P4HA2: variants seen among roughly 807,000 people sequenced by gnomAD.
The protein encoded by P4HA2 is prolyl 4-hydroxylase subunit alpha 2.
A neutral mutation model predicts 76.9 loss-of-function variants in P4HA2; 46 were observed. The ratio of observed to expected loss-of-function variants is 0.60; its 90% CI spans 0.47 to 0.76. The LOEUF is 0.76. Ranked by LOEUF, P4HA2 falls within the 30% of genes least tolerant of loss-of-function variation. The probability of loss-of-function intolerance (pLI) is 0.00; values close to 1 mark genes in which losing one functional copy is unlikely to be tolerated. For missense variants in P4HA2, 583 were observed against 669.4 expected, an observed-to-expected ratio of 0.87 and a Z score of 1.42; for synonymous variants, 243 against 254.0, an observed-to-expected ratio of 0.96 and a Z score of 0.41.
At position 132,207,842 on chromosome 5, in the gene P4HA2, C is replaced by A. The variant is rs764952504; in HGVS notation, c.946G>T (p.Gly316Cys). 6.2e-7 allele frequency: 1 copy of A among 1,603,798 alleles called. No individual in the cohort carries two copies. Among genetic ancestry groups the A allele is most frequent in the South Asian group, 1.1e-5 (1 of 88,918 alleles). Residue 316 changes from glycine to cysteine, a missense_variant, in exon 8 of 15, where the codon GGC (glycine) becomes TGC (cysteine). By Grantham distance (159) the Gly-to-Cys change is radical (BLOSUM62 -3). Transcript: ENST00000360568. ...ATGAGCAGCTGTGGGGCCCTGTTGC[C>A]ATGGTGGTACCTACAGAAAAGCCTC... ...QKRLFCRYHHGNRAPQLLIAP... is the reference protein window; with the variant it reads ...QKRLFCRYHHCNRAPQLLIAP...
Position 132,205,901 on chromosome 5 carries a change from G to A in P4HA2, c.1081-1749C>T, listed in dbSNP as rs573066222. 2.6e-5 allele frequency among the ~76,000 whole-genome samples: 4 copies of A among 152,238 alleles called. No individual in the cohort carries two copies. The East Asian group carries it at 5.8e-4, about 22-fold the overall frequency. Reference sequence around the variant, plus strand: ...GTGCTCTGCCCCAGGGGAAGCACAGGGCTATTTTGAAAGCAGGCCAGAGAC... The same window carrying A: ...GTGCTCTGCCCCAGGGGAAGCACAGAGCTATTTTGAAAGCAGGCCAGAGAC... On this transcript the variant is annotated intron_variant, in intron 8 of 14. Coordinates refer to ENST00000360568, the MANE Select transcript of P4HA2 (RefSeq NM_001017974.2).
intron 6 of P4HA2, 106 bp downstream of exon 6, chr5:132,210,178 G>A: frequency 7.7e-7 from 1 of 1,305,074 alleles, no homozygotes; most frequent in Non-Finnish European, 1.1e-6. Flanking sequence ...CCAAGTGACA[G>A]GGTAAACTGA....
chr5:132,211,268 A>C (rs996653444), intron 5 of P4HA2, among the ~76,000 whole-genome samples: 1 of 152,208 alleles, frequency 6.6e-6, no homozygotes, highest in African/African-American at 2.4e-5. Context: ...CAATATGAAG[A>C]AGCAGCTATA....
rs762173927 is a variant in P4HA2 at position 132,204,158 on chromosome 5, A to G, written c.1081-6T>C. 3.1e-6 allele frequency: 5 copies of G among 1,607,368 alleles called. No homozygotes were observed. The highest frequency in any genetic ancestry group is 4.3e-6 in the Non-Finnish European group (5 of 1,173,768). ...CGAACGGTGGCTCGTGCAAGCTAGAAGGAAGGAGGAGAGGGAAGACTTGAT... is the reference window on the plus strand; with the variant it reads ...CGAACGGTGGCTCGTGCAAGCTAGAGGGAAGGAGGAGAGGGAAGACTTGAT... On this transcript the variant is annotated splice_region_variant and splice_polypyrimidine_tract_variant and intron_variant, in intron 8 of 14. Coordinates refer to ENST00000360568, the MANE Select transcript of P4HA2 (RefSeq NM_001017974.2).
rs988524770 is a variant in P4HA2 at position 132,191,443 on chromosome 5, C to T, written c.*1567G>A. 5.0e-5 allele frequency among the ~76,000 whole-genome samples: 7 copies of T among 141,178 alleles called. No individual in the cohort carries two copies. The highest frequency in any genetic ancestry group is 2.2e-4 in the Admixed American group (3 of 13,362). The allele number at this position is 141,178 out of a possible 152,430, so 92.6% of individuals were successfully genotyped here. A position where few individuals can be genotyped will look rare whatever the true frequency, so the allele number is the denominator to read the frequency against. On this transcript the variant is annotated 3_prime_UTR_variant, in exon 15 of 15. Coordinates refer to ENST00000360568, the MANE Select transcript of P4HA2 (RefSeq NM_001017974.2). The stretch of plus-strand genomic sequence containing the variant: ...AGGAGAATGGCGTGAACCCGGGAGG[C>T]GGAGCTTGCAGTGAGCCGAGATCCC...
chr5:132,204,187 T>C (rs1751890971), intron 8 of P4HA2, 35 bp from the exon 9 acceptor site: 4 of 1,506,098 alleles, frequency 2.7e-6, no homozygotes, highest in Non-Finnish European at 3.7e-6. Flanking sequence ...ACTTGATTTG[T>C]TTGTTTGTTT....
chr5:132,225,276 T>G (rs1406261312), intron 1 of P4HA2, among the ~76,000 whole-genome samples: 1 of 152,174 alleles, frequency 6.6e-6, no homozygotes, highest in Non-Finnish European at 1.5e-5. Flanking sequence ...CAGCTTTTCC[T>G]GCCAACTTCC....
At chr5:132,209,908 C>T (rs972445034) in intron 6 of P4HA2, among the ~76,000 whole-genome samples, 4 of 152,140 alleles carry the variant, frequency 2.6e-5, no homozygotes, top group African/African-American at 7.2e-5. Context: ...CTAATAGCAC[C>T]GCTACTGTTT....
intron 5 of P4HA2, among the ~76,000 whole-genome samples, chr5:132,211,521 A>G (rs529165516): frequency 1.3e-5 from 2 of 152,306 alleles, no homozygotes; most frequent in South Asian, 2.1e-4. Flanking sequence ...TGCTTCAGAG[A>G]CCAGGGTCTG....
chr5:132,203,858 A>C lies in P4HA2; in HGVS notation c.1152-11T>G. ...TCCTCTAGCCAGGAGCTGGGCAAAAAGAAAAGGGCAGAGAAAAGAAGACGG... is the reference window on the plus strand; with the variant it reads ...TCCTCTAGCCAGGAGCTGGGCAAAACGAAAAGGGCAGAGAAAAGAAGACGG... On this transcript the variant is annotated splice_polypyrimidine_tract_variant and intron_variant, in intron 9 of 14. Coordinates refer to ENST00000360568, the MANE Select transcript of P4HA2 (RefSeq NM_001017974.2). 1.9e-6 allele frequency: 3 copies of C among 1,595,866 alleles called. No individual in the cohort carries two copies. The South Asian group carries it at 3.3e-5, about 18-fold the overall frequency.
chr5:132,203,334 A>C (rs1419357574), intron 10 of P4HA2: 2 of 173,210 alleles, frequency 1.2e-5, no homozygotes, highest in African/African-American at 2.4e-5. Context: ...GTTGTGGTTC[A>C]GCAGGAGAAA....
chr5:132,221,806 G>A (rs1399566899), intron 1 of P4HA2, among the ~76,000 whole-genome samples: 2 of 152,180 alleles, frequency 1.3e-5, no homozygotes, highest in Admixed American at 6.5e-5. Flanking sequence ...AACGGGCCCT[G>A]CCAGCCCTAG....
chr5:132,197,904 G>T, intron 12 of P4HA2: 1 of 598,836 alleles, frequency 1.7e-6, no homozygotes, highest in Non-Finnish European at 2.1e-6. Context: ...TAATACCACT[G>T]AACCGTACAT....
chr5:132,202,801 T>C (rs916290133), intron 10 of P4HA2: 1 of 152,256 alleles, frequency 6.6e-6, no homozygotes, highest in African/African-American at 2.4e-5. Context: ...GTGGGAGTAC[T>C]TGGACAAGAA....
At chr5:132,216,635 T>C (rs1753935262) in intron 4 of P4HA2, among the ~76,000 whole-genome samples, 1 of 152,204 alleles carries the variant, frequency 6.6e-6, no homozygotes, top group South Asian at 2.1e-4. Flanking sequence ...ATATGCTTTG[T>C]TTGTAAAACA....
chr5:132,194,486 C>G (rs1216976750), intron 14 of P4HA2, among the ~76,000 whole-genome samples: 1 of 152,176 alleles, frequency 6.6e-6, no homozygotes, highest in Non-Finnish European at 1.5e-5. Context: ...TCTTCTGGCC[C>G]CTGTGCCACA....
intron 1 of P4HA2, among the ~76,000 whole-genome samples, chr5:132,225,060 A>C (rs541330158): frequency 1.3e-5 from 2 of 151,856 alleles, no homozygotes; most frequent in South Asian, 4.2e-4. Flanking sequence ...AAAAAAAAAA[A>C]AAAAAAAAAC....
At chr5:132,213,513 T>C (rs1312977135) in intron 5 of P4HA2, among the ~76,000 whole-genome samples, 1 of 152,098 alleles carries the variant, frequency 6.6e-6, no homozygotes, top group Non-Finnish European at 1.5e-5. Context: ...ACAGAATGTA[T>C]AGGAGCAGAG....
At chr5:132,203,700 C>T (rs1751814915) in intron 10 of P4HA2, 48 bp downstream of exon 10, 2 of 1,244,842 alleles carry the variant, frequency 1.6e-6, no homozygotes, top group South Asian at 2.4e-5. Context: ...ACCATCTAGC[C>T]ACAAATACCC....
Sources: gnomAD v4.1 joint callset for allele counts (sites outside exome capture counted in the v4.1 genomes callset) on GRCh38, gnomAD v4.1.1 for gene constraint, MANE v1.5 for transcripts, NCBI Gene and HGNC (gene_info 2026-07-23, HGNC 2026-07-21) for gene names.